The following RERE variants were observed in gnomAD, a reference collection of about 807,000 sequenced individuals.
RERE encodes arginine-glutamic acid dipeptide repeats.
A neutral mutation model predicts 146.1 loss-of-function variants in RERE; 40 were observed. The observed-to-expected ratio is 0.27, with a 90% CI of 0.21 to 0.36. The LOEUF (loss-of-function observed/expected upper bound fraction) is 0.36. RERE is among the 10% of genes least tolerant of loss of function. The pLI is 1.00. For missense variants in RERE, 1,933 were observed against 2,138.7 expected, an observed-to-expected ratio of 0.90 and a Z score of 1.90; for synonymous variants, 1,003 against 866.0, an observed-to-expected ratio of 1.16 and a Z score of -2.78.
chr1:8,625,162 T>C (rs1646959876), intron 2 of RERE, among the ~76,000 whole-genome samples: 1 of 152,140 alleles, frequency 6.6e-6, no homozygotes, highest in South Asian at 2.1e-4. Context: ...TTGTTTTGTT[T>C]TGGCTGGTCT....
In RERE at chr1:8,375,175, C is replaced by A. The variant is rs114564348; in HGVS notation, c.1285-9201G>T. 1.5e-3 allele frequency among the ~76,000 whole-genome samples: 236 copies of A among 152,280 alleles called. 2 individuals are homozygous for A. The highest frequency in any genetic ancestry group is 3.0e-3 in the Non-Finnish European group (205 of 68,022). ...TCTTGAATAAGTATTCAGTAAACAT[C>A]TGATGAAATGATTATTTCTGGAGAA... is the stretch of plus-strand genomic sequence containing the variant. On this transcript the variant is annotated intron_variant, in intron 12 of 22. Transcript: ENST00000400908.
chr1:8,512,002 G>A (rs1034648818), intron 7 of RERE: 3 of 105,288 alleles, frequency 2.8e-5, no homozygotes, highest in African/African-American at 1.0e-4. Flanking sequence ...TCAACAGCTT[G>A]TAGGAAACAC....
intron 1 of RERE, among the ~76,000 whole-genome samples, chr1:8,679,527 T>C (rs1570600082): frequency 6.6e-6 from 1 of 152,122 alleles, no homozygotes; most frequent in Non-Finnish European, 1.5e-5. Flanking sequence ...CTCAACATAT[T>C]ATACCATCAC....
rs558329345 is a variant in RERE, at chr1:8,695,717, G to A, written c.-144-39276C>T. Among the ~76,000 whole-genome samples the A allele has an allele frequency of 1.2e-4, 18 of 150,028 alleles. No homozygotes were observed. In the East Asian group the frequency reaches 3.2e-3, roughly 27 times the overall value. On this transcript the variant is annotated intron_variant, in intron 1 of 22. Transcript: ENST00000400908. The stretch of plus-strand genomic sequence containing the variant: ...GGAGGTTGCAGCGAGCTGAGATCAC[G>A]CCACTGCACTCCAGTCTGGGTAACA...
intron 1 of RERE, among the ~76,000 whole-genome samples, chr1:8,741,164 C>T (rs1229771346): frequency 6.6e-6 from 1 of 152,186 alleles, no homozygotes. Flanking sequence ...TCTCATGGAA[C>T]CACTGTCATA....
At chr1:8,569,339 G>A (rs529431792) in intron 4 of RERE, among the ~76,000 whole-genome samples, 11 of 152,044 alleles carry the variant, frequency 7.2e-5, no homozygotes, top group African/African-American at 2.4e-4. Context: ...GGTGACGGCG[G>A]TGATGGCAGT....
intron 1 of RERE, among the ~76,000 whole-genome samples, chr1:8,702,698 A>T (rs1639478178): frequency 6.6e-6 from 1 of 152,218 alleles, no homozygotes; most frequent in South Asian, 2.1e-4. Flanking sequence ...TCGGCTTCAA[A>T]AGCACTTTCC....
At chr1:8,772,035 T>C (rs72857212) in intron 1 of RERE, among the ~76,000 whole-genome samples, 2,756 of 152,194 alleles carry the variant, frequency 0.018, 102 homozygotes, top group African/African-American at 0.064. Context: ...TACTGTCACA[T>C]GTACATGTAC....
At chr1:8,646,065 G>A (rs1290867065) in intron 2 of RERE, among the ~76,000 whole-genome samples, 2 of 5,356 alleles carry the variant, frequency 3.7e-4, no homozygotes, top group Non-Finnish European at 7.4e-4. Flanking sequence ...ACTCAAATGT[G>A]AAACACCTGA....
chr1:8,605,756 A>AAAAAAAAAAAAAAAC (rs1646697317), intron 4 of RERE, among the ~76,000 whole-genome samples: 2 of 148,400 alleles, frequency 1.3e-5, no homozygotes, highest in African/African-American at 5.0e-5. Context: ...AAAAAAAAAA[A>AAAAAAAAAAAAAAAC]AAAAAAAAAA....
At chr1:8,426,394 C>T (rs1644013285) in intron 11 of RERE, among the ~76,000 whole-genome samples, 1 of 149,192 alleles carries the variant, frequency 6.7e-6, no homozygotes, top group South Asian at 2.1e-4. Flanking sequence ...GCGCAGCTTG[C>T]AGTGAGCCGA....
chr1:8,704,551 T>C (rs958905538), intron 1 of RERE, among the ~76,000 whole-genome samples: 4 of 152,192 alleles, frequency 2.6e-5, no homozygotes, highest in Non-Finnish European at 5.9e-5. Context: ...CTCTTTCCAA[T>C]AAACAGAGAA....
chr1:8,607,375 A>C (rs1646729336), intron 4 of RERE, among the ~76,000 whole-genome samples: 1 of 151,298 alleles, frequency 6.6e-6, no homozygotes, highest in East Asian at 1.9e-4. Flanking sequence ...AAAAAAAAAA[A>C]AAAGATATTC....
chr1:8,735,390 A>G (rs1204187700), intron 1 of RERE, among the ~76,000 whole-genome samples: 1 of 152,214 alleles, frequency 6.6e-6, no homozygotes. Flanking sequence ...CTTTCTGGAG[A>G]TATTTCATGC....
chr1:8,525,380 C>T (rs1645557167), intron 7 of RERE, among the ~76,000 whole-genome samples: 1 of 152,194 alleles, frequency 6.6e-6, no homozygotes, highest in African/African-American at 2.4e-5. Flanking sequence ...CCCAGGCATT[C>T]CATACTAGCC....
chr1:8,359,731 C>A (rs749652984), intron 19 of RERE, 33 bp downstream of exon 19: 1 of 1,593,166 alleles, frequency 6.3e-7, no homozygotes, highest in South Asian at 1.1e-5. Context: ...TGGACCAGCG[C>A]CCCCCGTCAC....
intron 2 of RERE, among the ~76,000 whole-genome samples, chr1:8,654,529 A>G (rs1422562977): frequency 1.3e-5 from 2 of 152,188 alleles, no homozygotes; most frequent in Non-Finnish European, 2.9e-5. Context: ...TGCTAATTAC[A>G]TCTCATACAA....
intron 4 of RERE, among the ~76,000 whole-genome samples, chr1:8,564,236 C>A: frequency 6.6e-6 from 1 of 152,194 alleles, no homozygotes; most frequent in Non-Finnish European, 1.5e-5. Context: ...ACTGAGTAAC[C>A]TCTTATCCAA....
intron 4 of RERE, among the ~76,000 whole-genome samples, chr1:8,568,850 T>C (rs1646183721): frequency 6.6e-6 from 1 of 152,186 alleles, no homozygotes; most frequent in African/African-American, 2.4e-5. Flanking sequence ...TATCCATCTG[T>C]CTATCTTTCT....
Sources: gnomAD v4.1 joint callset for allele counts (sites outside exome capture counted in the v4.1 genomes callset) on GRCh38, gnomAD v4.1.1 for gene constraint, MANE v1.5 for transcripts, NCBI Gene and HGNC (gene_info 2026-07-23, HGNC 2026-07-21) for gene names.